The following ABCB4 variants were observed in gnomAD, a reference collection of about 807,000 sequenced individuals.
ABCB4 encodes the protein ATP binding cassette subfamily B member 4.
In ABCB4, 76 loss-of-function variants were observed where a neutral mutation model predicts 145.7. The ratio of observed to expected loss-of-function variants is 0.52; its 90% CI spans 0.43 to 0.63. The LOEUF is 0.63. ABCB4 is among the 30% of genes least tolerant of loss of function. ABCB4 has a pLI of 0.00. For missense variants in ABCB4, 1,234 were observed against 1,553.1 expected, an observed-to-expected ratio of 0.79 and a Z score of 3.45; for synonymous variants, 517 against 566.8, an observed-to-expected ratio of 0.91 and a Z score of 1.25.
At chr7:87,437,121 C>A (rs1205440829) in intron 14 of ABCB4, among the ~76,000 whole-genome samples, 1 of 152,166 alleles carries the variant, frequency 6.6e-6, no homozygotes, top group Non-Finnish European at 1.5e-5. Context: ...ACTGCTCACC[C>A]ATTAAGAGGC....
chr7:87,367,210 G>C, the ABCB4 span, among the ~76,000 whole-genome samples: 2 of 152,154 alleles, frequency 1.3e-5, no homozygotes, highest in Non-Finnish European at 2.9e-5. Flanking sequence ...TAATCACAAG[G>C]GTCCTTATTC....
intron 4 of ABCB4, among the ~76,000 whole-genome samples, chr7:87,461,402 A>T (rs1018457133): frequency 3.3e-5 from 5 of 152,196 alleles, no homozygotes; most frequent in Admixed American, 3.3e-4. Flanking sequence ...ACTATATATG[A>T]TAATAAGCAT....
At chr7:87,393,697 C>T in the ABCB4 span, among the ~76,000 whole-genome samples, 1 of 152,120 alleles carries the variant, frequency 6.6e-6, no homozygotes, top group Non-Finnish European at 1.5e-5. Flanking sequence ...ATAAAAATTA[C>T]GTGACTACAT....
chr7:87,455,286 T>C (rs531000633), intron 4 of ABCB4, among the ~76,000 whole-genome samples: 1 of 152,352 alleles, frequency 6.6e-6, no homozygotes, highest in Admixed American at 6.5e-5. Flanking sequence ...CTATTGTCTA[T>C]TAATTTGAGC....
the ABCB4 span, among the ~76,000 whole-genome samples, chr7:87,383,003 A>G: frequency 0.05 from 7,682 of 152,256 alleles, 631 homozygotes; most frequent in African/African-American, 0.17. Context: ...AATTGAACAT[A>G]TTTATCAGGT....
At chr7:87,422,854 A>G (rs45515298) in intron 17 of ABCB4, among the ~76,000 whole-genome samples, 6,551 of 152,138 alleles carry the variant, frequency 0.043, 464 homozygotes, top group African/African-American at 0.15. Flanking sequence ...TTGTTTGTCC[A>G]TTGCATGTCT....
the ABCB4 span, among the ~76,000 whole-genome samples, chr7:87,385,749 A>G: frequency 6.6e-6 from 1 of 152,306 alleles, no homozygotes; most frequent in Middle Eastern, 3.4e-3. Context: ...CATCTTTGTC[A>G]TGTTCTAGAT....
chr7:87,453,179 T>G, intron 5 of ABCB4, 44 bp from the exon 6 acceptor site: 1 of 1,583,046 alleles, frequency 6.3e-7, no homozygotes, highest in Admixed American at 1.7e-5. Flanking sequence ...TTCTCTTTTC[T>G]TTTTTCTTTT....
the ABCB4 span, among the ~76,000 whole-genome samples, chr7:87,368,317 G>A: frequency 4.6e-5 from 7 of 152,236 alleles, no homozygotes; most frequent in Non-Finnish European, 1.0e-4. Context: ...TTTGGCATCA[G>A]GTTTATTTTC....
chr7:87,443,610 T>C lies in ABCB4; in HGVS notation c.1230+53A>G, dbSNP rs1584748061. The C allele has an allele frequency of 1.2e-5, 18 of 1,561,574 alleles. No individual in the cohort carries two copies. In the East Asian group the frequency reaches 4.1e-4, roughly 35 times the overall value. On this transcript the variant is annotated intron_variant, in intron 11 of 27. Transcript: ENST00000649586. Reference sequence around the variant, plus strand: ...ATAATAGAGACTTTATTCTTTAAAATGATTCAACAATCAACCTCAGTTAGG... The same window carrying C: ...ATAATAGAGACTTTATTCTTTAAAACGATTCAACAATCAACCTCAGTTAGG...
the ABCB4 span, among the ~76,000 whole-genome samples, chr7:87,386,565 A>G: frequency 6.6e-6 from 1 of 152,098 alleles, no homozygotes. Flanking sequence ...TATTCTACCT[A>G]CAGATTTGTC....
At chr7:87,381,891 T>C in the ABCB4 span, 2 of 1,550,538 alleles carry the variant, frequency 1.3e-6, no homozygotes, top group African/African-American at 1.4e-5. Context: ...TTCAGAAATC[T>C]TGTGTGTTCT....
rs1811401884 is a variant in ABCB4, at chr7:87,447,150, C to T, written c.889G>A (p.Ala297Thr). The change falls in exon 9 of 28, where the codon GCA (alanine) becomes ACA (threonine). Residue 297 changes from alanine to threonine, a missense_variant. Ala to Thr is a moderately conservative substitution (Grantham distance 58). Around this residue, in one of 7 missense-constraint regions of ABCB4, gnomAD observed 467 missense variants for 632.8 expected, o/e 0.74. Transcript: ENST00000649586. ...KEIGIKKAISANISMGIAFLL... is the reference protein window; with the variant it reads ...KEIGIKKAISTNISMGIAFLL... ...AAGGCAATACCCATGGAAATGTTTG[C>T]TGAAATAGCTTTTTTAATTCCAATC... 6.2e-7 allele frequency: 1 copy of T among 1,613,888 alleles called. No homozygotes were observed. The highest frequency in any genetic ancestry group is 1.3e-5 in the African/African-American group (1 of 74,908).
At chr7:87,441,598 T>G (rs1360118951) in intron 12 of ABCB4, among the ~76,000 whole-genome samples, 1 of 152,032 alleles carries the variant, frequency 6.6e-6, no homozygotes. Context: ...TTTTTAAATT[T>G]AGAGACAGAG....
chr7:87,418,790 A>C (rs918219404), intron 19 of ABCB4, among the ~76,000 whole-genome samples, 170 bp from the exon 20 acceptor site: 1 of 152,198 alleles, frequency 6.6e-6, no homozygotes, highest in Non-Finnish European at 1.5e-5. Context: ...AGCAGAACCC[A>C]GCTTCCTGAC....
chr7:87,422,330 A>C (rs1049835252), intron 17 of ABCB4, 105 bp from the exon 18 acceptor site: 4 of 869,426 alleles, frequency 4.6e-6, no homozygotes, highest in Non-Finnish European at 7.6e-6. Context: ...ACTAGGCTTC[A>C]AATATGTAGG....
rs45543931 is a variant in ABCB4, at chr7:87,423,589, C to T, written c.2211+317G>A. The T allele has an allele frequency of 2.0e-3, 763 of 385,916 alleles. 4 individuals are homozygous for T. The highest frequency in any genetic ancestry group is 6.2e-3 in the Admixed American group (166 of 26,964). The allele number at this position is 385,916 out of a possible 1,614,324, so 23.9% of individuals were successfully genotyped here. ...TCCACTCTCTCTCCACCTCACTGTG[C>T]GACTTGTACCAGCTTTTCTACACAA... is the stretch of plus-strand genomic sequence containing the variant. On this transcript the variant is annotated intron_variant, in intron 17 of 27. Coordinates refer to ENST00000649586, the MANE Select transcript of ABCB4 (RefSeq NM_000443.4).
intron 23 of ABCB4, among the ~76,000 whole-genome samples, chr7:87,410,358 T>A (rs1440965132): frequency 1.3e-5 from 2 of 152,130 alleles, no homozygotes; most frequent in Non-Finnish European, 2.9e-5. Context: ...ACCTAGGGGC[T>A]GGGATGAGAG....
chr7:87,439,863 C>G, intron 13 of ABCB4, 26 bp from the exon 14 acceptor site: 6 of 1,614,062 alleles, frequency 3.7e-6, no homozygotes, highest in Non-Finnish European at 5.1e-6. Flanking sequence ...TGGATCAGCT[C>G]TTGAAGTAAC....
Sources: allele counts gnomAD v4.1 joint callset (sites outside exome capture counted in the v4.1 genomes callset), GRCh38; gene constraint gnomAD v4.1.1; regional missense constraint gnomAD v4.1.1; transcripts MANE v1.5; gene names NCBI Gene and HGNC (gene_info 2026-07-23, HGNC 2026-07-21).